Variants in APPBP2 observed in about 807,000 individuals in gnomAD.
The protein encoded by APPBP2 is amyloid beta precursor protein binding protein 2, also known as amyloid protein-binding protein 2.
Under a neutral mutation model 76.0 loss-of-function variants are expected in APPBP2, and 15 were observed. The ratio of observed to expected loss-of-function variants is 0.20; its 90% CI spans 0.13 to 0.30. The LOEUF (loss-of-function observed/expected upper bound fraction) is 0.30, where lower values mean the gene tolerates loss of function less well. Ranked by LOEUF, APPBP2 falls within the 10% of genes least tolerant of loss-of-function variation. APPBP2 has a pLI of 1.00. For synonymous variants in APPBP2, 222 were observed against 242.2 expected (o/e 0.92, Z 0.77); for missense variants, 401 against 687.2 (o/e 0.58, Z 4.66).
At chr17:60,485,309 T>G (rs967645939) in intron 3 of APPBP2, among the ~76,000 whole-genome samples, 1 of 152,192 alleles carries the variant, frequency 6.6e-6, no homozygotes, top group East Asian at 1.9e-4. Context: ...CTGGTAGAAT[T>G]TGGCTGTGAA....
intron 3 of APPBP2, among the ~76,000 whole-genome samples, chr17:60,482,131 T>C (rs1469666322): frequency 6.6e-6 from 1 of 152,184 alleles, no homozygotes; most frequent in Non-Finnish European, 1.5e-5. Context: ...TCCGCCCACC[T>C]CAGCCTCCCA....
intron 12 of APPBP2, among the ~76,000 whole-genome samples, chr17:60,449,126 G>A (rs558212511): frequency 6.6e-5 from 10 of 152,244 alleles, no homozygotes; most frequent in South Asian, 2.1e-4. Context: ...AACTGTAAAC[G>A]AATATTGAAC....
At chr17:60,484,105 G>C (rs2090653804) in intron 3 of APPBP2, among the ~76,000 whole-genome samples, 2 of 152,286 alleles carry the variant, frequency 1.3e-5, no homozygotes, top group East Asian at 3.9e-4. Flanking sequence ...TTTGGTACCA[G>C]TACCACGCTG....
intron 5 of APPBP2, among the ~76,000 whole-genome samples, chr17:60,465,355 A>G (rs2143332312): frequency 6.6e-6 from 1 of 152,348 alleles, no homozygotes; most frequent in Middle Eastern, 3.4e-3. Context: ...ACCTCTGCAT[A>G]ACCTAGCCTA....
rs61735447 is a variant in APPBP2, at chr17:60,526,185, G to C, written c.-254C>G. ...GCCAAAAGCGTCACAATCCCGGTTC[G>C]AGAGGAACCCGGGTTCCGTCCCAGC... On this transcript the variant is annotated 5_prime_UTR_variant, in exon 1 of 13. Coordinates refer to ENST00000083182, the MANE Select transcript of APPBP2 (RefSeq NM_006380.5). The C allele has an allele frequency of 1.5e-4, 75 of 488,404 alleles. No homozygotes were observed. In the East Asian group the frequency reaches 2.4e-3, roughly 16 times the overall value. 30.3% of individuals were successfully genotyped at this position (488,404 alleles called of 1,614,324 possible). A position where few individuals can be genotyped will look rare whatever the true frequency, so the allele number is the denominator to read the frequency against.
In APPBP2 at chr17:60,445,668, A is replaced by G. The variant is rs1215671278; in HGVS notation, c.*1913T>C. 6.6e-6 allele frequency: 1 copy of G among 152,246 alleles called. No individual in the cohort carries two copies. The highest frequency in any genetic ancestry group is 6.5e-5 in the Admixed American group (1 of 15,270). The allele number at this position is 152,246 out of a possible 1,614,324, so 9.4% of individuals were successfully genotyped here. On this transcript the variant is annotated 3_prime_UTR_variant, in exon 13 of 13. Coordinates refer to ENST00000083182, the MANE Select transcript of APPBP2 (RefSeq NM_006380.5). The stretch of plus-strand genomic sequence containing the variant: ...CCTTGGTCACAAAGACTATTTGGTA[A>G]TTAATAAAGAAGTGCCTCTTGACAT...
At chr17:60,493,084 C>G (rs1365536058) in intron 3 of APPBP2, among the ~76,000 whole-genome samples, 1 of 152,176 alleles carries the variant, frequency 6.6e-6, no homozygotes. Flanking sequence ...TAAGGGGTTT[C>G]CCCTATCTCT....
Position 60,466,327 on chromosome 17 carries a change from C to T in APPBP2, c.636G>A (p.Leu212=), listed in dbSNP as rs765977741. 4 of 1,613,940 alleles carry T rather than the reference C, an allele frequency of 2.5e-6. No homozygotes were observed. The South Asian group carries it at 4.4e-5, about 18-fold the overall frequency. The change falls in exon 5 of 13, where the codon CTG becomes CTA. Residue 212 remains leucine, a synonymous_variant. Coordinates refer to ENST00000083182, the MANE Select transcript of APPBP2 (RefSeq NM_006380.5). ...QANKAALYGE[L]CALLFAKSHY... ...GACTTTTTGCAAATAGGAGTGCACA[C>T]AGTTCTCCATAGAGTGCAGCTTTAT... is the stretch of plus-strand genomic sequence containing the variant.
intron 1 of APPBP2, among the ~76,000 whole-genome samples, chr17:60,506,094 A>G (rs1417196295): frequency 6.6e-6 from 1 of 151,688 alleles, no homozygotes; most frequent in Admixed American, 6.6e-5. Flanking sequence ...GGCTCAAGCA[A>G]TGCACCCACC....
At chr17:60,518,059 T>C (rs1325600135) in intron 1 of APPBP2, among the ~76,000 whole-genome samples, 1 of 131,998 alleles carries the variant, frequency 7.6e-6, no homozygotes, top group East Asian at 2.5e-4. Context: ...AAAGTGTTCT[T>C]ACAATTTCCT....
chr17:60,447,553 A>G lies in APPBP2; in HGVS notation c.*28T>C. 8 of 1,570,116 alleles carry G rather than the reference A, an allele frequency of 5.1e-6. No individual in the cohort carries two copies. The highest frequency in any genetic ancestry group is 6.9e-6 in the Non-Finnish European group (8 of 1,159,396). ...GTATGAATTCCCTGGAATCCGGGAA[A>G]AGGTAATTGGTTAACTGAGGTCCTC... On this transcript the variant is annotated 3_prime_UTR_variant, in exon 13 of 13. Transcript: ENST00000083182.
intron 4 of APPBP2, among the ~76,000 whole-genome samples, chr17:60,476,404 A>G (rs559414274): frequency 5.3e-5 from 8 of 152,356 alleles, no homozygotes; most frequent in African/African-American, 9.6e-5. Context: ...TTCTAATTCA[A>G]TTAAACACAT....
intron 3 of APPBP2, among the ~76,000 whole-genome samples, chr17:60,484,779 G>C (rs1567929868): frequency 6.6e-6 from 1 of 152,150 alleles, no homozygotes. Context: ...GGAGTGATGA[G>C]AGAAAGACAG....
chr17:60,469,628 G>A (rs2090537892), intron 4 of APPBP2, among the ~76,000 whole-genome samples: 1 of 152,038 alleles, frequency 6.6e-6, no homozygotes, highest in Non-Finnish European at 1.5e-5. Flanking sequence ...TCATGTAAGT[G>A]GAACCATACA....
chr17:60,452,678 T>A (rs2090403913), intron 11 of APPBP2, among the ~76,000 whole-genome samples: 2 of 152,108 alleles, frequency 1.3e-5, no homozygotes, highest in African/African-American at 2.4e-5. Flanking sequence ...CCCAACAGTT[T>A]GGGAGGTCGA....
At chr17:60,489,538 G>T (rs1413011383) in intron 3 of APPBP2, among the ~76,000 whole-genome samples, 1 of 150,732 alleles carries the variant, frequency 6.6e-6, no homozygotes, top group Admixed American at 6.6e-5. Context: ...TTCAACCCAG[G>T]AGGCGGAGGC....
chr17:60,455,419 A>T (rs1456151076), intron 10 of APPBP2, among the ~76,000 whole-genome samples: 1 of 152,182 alleles, frequency 6.6e-6, no homozygotes, highest in Admixed American at 6.5e-5. Flanking sequence ...AGGGAGAAAA[A>T]ACTCAGTTCC....
chr17:60,455,595 C>T (rs1356455977), intron 10 of APPBP2, among the ~76,000 whole-genome samples: 2 of 152,148 alleles, frequency 1.3e-5, no homozygotes, highest in Non-Finnish European at 2.9e-5. Context: ...TTGCAACATT[C>T]GGGGTAACCT....
intron 3 of APPBP2, among the ~76,000 whole-genome samples, chr17:60,488,639 G>C (rs183517738): frequency 1.9e-4 from 29 of 152,246 alleles, no homozygotes; most frequent in Non-Finnish European, 2.9e-5. Context: ...TTAGGATTAA[G>C]ACTGATAACT....
Sources: gnomAD v4.1 joint callset for allele counts (sites outside exome capture counted in the v4.1 genomes callset) on GRCh38, gnomAD v4.1.1 for gene constraint, MANE v1.5 for transcripts, NCBI Gene and HGNC (gene_info 2026-07-23, HGNC 2026-07-21) for gene names.